RHEB: variants seen among roughly 807,000 people sequenced by gnomAD.
RHEB encodes the protein GTP-binding protein Rheb.
Under a neutral mutation model 28.8 loss-of-function variants are expected in RHEB, and 2 were observed. The observed-to-expected ratio is 0.07, with a 90% CI of 0.03 to 0.22. The LOEUF is 0.22. RHEB is among the 10% of genes least tolerant of loss of function. The pLI, the probability that RHEB is intolerant of heterozygous loss-of-function variation, is 1.00. For missense variants in RHEB, 76 were observed against 219.9 expected (o/e 0.35, Z 4.14); for synonymous variants, 69 against 77.3 (o/e 0.89, Z 0.56).
chr7:151,501,653 A>G (rs1802773243), intron 1 of RHEB, among the ~76,000 whole-genome samples: 1 of 152,268 alleles, frequency 6.6e-6, no homozygotes, highest in Non-Finnish European at 1.5e-5. Flanking sequence ...TTGCATGTTT[A>G]TACTGGTTTT....
chr7:151,499,586 A>G (rs1802735034), intron 1 of RHEB, among the ~76,000 whole-genome samples: 1 of 152,208 alleles, frequency 6.6e-6, no homozygotes, highest in Non-Finnish European at 1.5e-5. Flanking sequence ...TATTCAGTAA[A>G]CAGTTATTCA....
At chr7:151,501,562 T>G (rs77347791) in intron 1 of RHEB, among the ~76,000 whole-genome samples, 5,481 of 152,240 alleles carry the variant, frequency 0.036, 291 homozygotes, top group African/African-American at 0.12. Flanking sequence ...TAACCTACAC[T>G]TACCATATGA....
intron 7 of RHEB, 187 bp downstream of exon 7, chr7:151,470,384 A>G: frequency 2.2e-6 from 1 of 456,572 alleles, no homozygotes; most frequent in Non-Finnish European, 4.0e-6. Context: ...TAAGTAGAAT[A>G]CTGACTGAAT....
At chr7:151,471,697 C>A in intron 4 of RHEB, 92 bp from the exon 5 acceptor site, 1 of 783,922 alleles carries the variant, frequency 1.3e-6, no homozygotes, top group South Asian at 1.8e-5. Context: ...TGTAAAATGT[C>A]ACAGACTCAC....
chr7:151,504,991 A>G (rs770049077), intron 1 of RHEB, among the ~76,000 whole-genome samples: 3 of 151,950 alleles, frequency 2.0e-5, no homozygotes, highest in Non-Finnish European at 2.9e-5. Context: ...CTAACTAGAA[A>G]TGGATCAGAG....
intron 1 of RHEB, among the ~76,000 whole-genome samples, chr7:151,498,635 G>C (rs1802715436): frequency 6.6e-6 from 1 of 151,836 alleles, no homozygotes; most frequent in Admixed American, 6.6e-5. Flanking sequence ...ACTGGGCAGA[G>C]GCAAGAGGCA....
intron 1 of RHEB, among the ~76,000 whole-genome samples, chr7:151,499,681 T>C (rs1234261298): frequency 6.6e-6 from 1 of 152,250 alleles, no homozygotes; most frequent in Non-Finnish European, 1.5e-5. Context: ...ACTGAAGTCC[T>C]ACTCCACGTG....
chr7:151,514,672 T>C (rs558331327), intron 1 of RHEB, among the ~76,000 whole-genome samples: 11 of 152,298 alleles, frequency 7.2e-5, no homozygotes, highest in African/African-American at 2.6e-4. Context: ...CCTAGGAATG[T>C]ACCCAAGAGA....
intron 1 of RHEB, chr7:151,502,385 C>T (rs953113392): frequency 1.2e-5 from 10 of 804,956 alleles, no homozygotes; most frequent in Admixed American, 7.0e-5. Flanking sequence ...AGGAGTAAAC[C>T]GCCATCCAGT....
At position 151,467,158 on chromosome 7, in the gene RHEB, C is replaced by G. The variant is rs1177204064; in HGVS notation, c.516G>C (p.Gly172=). Residue 172 remains glycine, a synonymous_variant, in exon 8 of 8, where the codon GGG becomes GGC. Coordinates refer to ENST00000262187, the MANE Select transcript of RHEB (RefSeq NM_005614.4). ...ATGAAGACTTGCCTTGTGAAGCTGCCCCGTCCATTTTTTCTGCCTCCAAAA... is the reference window on the plus strand; with the variant it reads ...ATGAAGACTTGCCTTGTGAAGCTGCGCCGTCCATTTTTTCTGCCTCCAAAA... ...RIILEAEKMD[G]AASQGKSSCS... is the part of the protein sequence containing the mutation. 1 of 1,613,758 alleles carries G rather than the reference C, an allele frequency of 6.2e-7. No individual in the cohort carries two copies. Among genetic ancestry groups the G allele is most frequent in the Admixed American group, 1.7e-5 (1 of 60,008 alleles).
intron 1 of RHEB, chr7:151,503,281 T>C: frequency 1.3e-6 from 1 of 789,300 alleles, no homozygotes; most frequent in Non-Finnish European, 2.3e-6. Context: ...CCTGTTGGAA[T>C]GGTTTGCTAA....
chr7:151,512,685 T>C (rs944476534), intron 1 of RHEB, among the ~76,000 whole-genome samples: 1 of 152,230 alleles, frequency 6.6e-6, no homozygotes, highest in South Asian at 2.1e-4. Flanking sequence ...GTGGGAACCA[T>C]ATCGCTGTGA....
At chr7:151,494,207 T>C (rs1001530082) in intron 1 of RHEB, among the ~76,000 whole-genome samples, 4 of 152,214 alleles carry the variant, frequency 2.6e-5, no homozygotes, top group South Asian at 2.1e-4. Flanking sequence ...GGACTAAAAA[T>C]AGTGAAAGAG....
At chr7:151,511,069 C>T (rs1313882816) in intron 1 of RHEB, among the ~76,000 whole-genome samples, 1 of 151,400 alleles carries the variant, frequency 6.6e-6, no homozygotes, top group Non-Finnish European at 1.5e-5. Context: ...CACAGTGAGA[C>T]TCCGTCTCAA....
At chr7:151,518,776 CA>C (rs753176726) in intron 1 of RHEB, among the ~76,000 whole-genome samples, 1 of 152,178 alleles carries the variant, frequency 6.6e-6, no homozygotes, top group African/African-American at 2.4e-5. Flanking sequence ...CCTTCCCGAA[CA>C]AAAATAGGGC....
chr7:151,487,883 C>A (rs921608057), intron 2 of RHEB, among the ~76,000 whole-genome samples: 8 of 152,178 alleles, frequency 5.3e-5, no homozygotes, highest in African/African-American at 1.9e-4. Context: ...CTACTAACCA[C>A]GGTCATAGAG....
intron 1 of RHEB, among the ~76,000 whole-genome samples, chr7:151,498,705 G>A (rs535011970): frequency 3.3e-5 from 5 of 152,156 alleles, no homozygotes; most frequent in Non-Finnish European, 7.4e-5. Context: ...TGACATTCCC[G>A]CAGAACAGCT....
intron 1 of RHEB, chr7:151,502,911 A>T (rs1802798161): frequency 1.2e-6 from 1 of 809,080 alleles, no homozygotes; most frequent in South Asian, 1.4e-5. Context: ...AAAGTTTTAA[A>T]ATTAGTTGAT....
intron 1 of RHEB, chr7:151,503,587 TG>T: frequency 4.1e-6 from 2 of 482,288 alleles, no homozygotes; most frequent in Non-Finnish European, 7.5e-6. Flanking sequence ...CCATGAGTAC[TG>T]GTTATTGAAA....
Sources: allele counts gnomAD v4.1 joint callset (sites outside exome capture counted in the v4.1 genomes callset), GRCh38; gene constraint gnomAD v4.1.1; transcripts MANE v1.5; gene names NCBI Gene and HGNC (gene_info 2026-07-23, HGNC 2026-07-21).